Variants in WDR59 observed in about 807,000 individuals in gnomAD.
WDR59 encodes the protein WD repeat domain 59, also known as GATOR2 complex protein WDR59.
In WDR59, 100 loss-of-function variants were observed where a neutral mutation model predicts 131.2. The ratio of observed to expected loss-of-function variants is 0.76; its 90% CI spans 0.65 to 0.90. The LOEUF is 0.90. WDR59 is among the 40% of genes least tolerant of loss of function. The pLI is 0.00. For missense variants in WDR59, 1,203 were observed against 1,262.2 expected, an observed-to-expected ratio of 0.95 and a Z score of 0.71; for synonymous variants, 601 against 466.2, an observed-to-expected ratio of 1.29 and a Z score of -3.72.
chr16:74,946,520 G>C (rs927497218), intron 6 of WDR59, among the ~76,000 whole-genome samples: 1 of 152,034 alleles, frequency 6.6e-6, no homozygotes, highest in Non-Finnish European at 1.5e-5. Context: ...TCAGGAGCTC[G>C]AGACCAGCCT....
At chr16:74,883,197 G>A (rs1045082617) in intron 25 of WDR59, among the ~76,000 whole-genome samples, 7 of 151,676 alleles carry the variant, frequency 4.6e-5, no homozygotes, top group Non-Finnish European at 7.4e-5. Context: ...GCTAATTTTT[G>A]TATTTTTAGT....
At chr16:74,908,084 A>G (rs11149782) in intron 17 of WDR59, among the ~76,000 whole-genome samples, 53,946 of 151,730 alleles carry the variant, frequency 0.36, 9,557 homozygotes, top group African/African-American at 0.39. Context: ...GATTCTCTCT[A>G]AAACAGGGAA....
chr16:74,923,146 A>G (rs2030418890), intron 9 of WDR59, among the ~76,000 whole-genome samples: 1 of 152,228 alleles, frequency 6.6e-6, no homozygotes, highest in African/African-American at 2.4e-5. Context: ...GGATTTTATC[A>G]CAATTTTAAA....
intron 25 of WDR59, among the ~76,000 whole-genome samples, chr16:74,879,570 AATG>A (rs1964382728): frequency 6.6e-6 from 1 of 152,164 alleles, no homozygotes; most frequent in African/African-American, 2.4e-5. Flanking sequence ...AATTCTGGCT[AATG>A]ATCTATTTTC....
intron 1 of WDR59, among the ~76,000 whole-genome samples, chr16:74,975,209 A>C (rs979595623): frequency 6.6e-6 from 1 of 152,036 alleles, no homozygotes; most frequent in Non-Finnish European, 1.5e-5. Context: ...AAAAATACAA[A>C]AATTAGCCAG....
intron 9 of WDR59, among the ~76,000 whole-genome samples, chr16:74,923,041 C>T (rs2030404688): frequency 6.6e-6 from 1 of 152,158 alleles, no homozygotes; most frequent in African/African-American, 2.4e-5. Flanking sequence ...AGCCTACCCA[C>T]TCTATTTGTA....
rs753480531 is a variant in WDR59 at position 74,924,010 on chromosome 16, G to A, written c.652-7C>T. 7.4e-6 allele frequency: 12 copies of A among 1,613,008 alleles called. No individual in the cohort carries two copies. The Admixed American group carries it at 1.8e-4, about 25-fold the overall frequency. ...GCTGGCGGTAATCCCAGAACTAGAA[G>A]AGAGCAAGCAAGATCATTTGTGAAA... On this transcript the variant is annotated splice_region_variant and splice_polypyrimidine_tract_variant and intron_variant, in intron 8 of 25. Transcript: ENST00000262144.
chr16:74,979,464 TCAAAACAAAA>T (rs71158561), intron 1 of WDR59, among the ~76,000 whole-genome samples: 78 of 147,384 alleles, frequency 5.3e-4, no homozygotes, highest in African/African-American at 1.8e-3. Flanking sequence ...AGACTCTGTC[TCAAAACAAAA>T]CAAAACAAAA....
intron 13 of WDR59, among the ~76,000 whole-genome samples, chr16:74,914,928 G>T (rs984937433): frequency 6.6e-6 from 1 of 152,170 alleles, no homozygotes; most frequent in African/African-American, 2.4e-5. Context: ...AGATAGTTAT[G>T]TAACAGCACA....
At chr16:74,887,316 G>C (rs529051322) in intron 23 of WDR59, among the ~76,000 whole-genome samples, 35 of 152,128 alleles carry the variant, frequency 2.3e-4, no homozygotes, top group African/African-American at 8.0e-4. Flanking sequence ...CTGGAGTCAG[G>C]CCCAGCTGTA....
intron 6 of WDR59, 129 bp from the exon 7 acceptor site, chr16:74,942,955 T>C (rs986729109): frequency 2.1e-5 from 15 of 729,282 alleles, no homozygotes; most frequent in Admixed American, 5.9e-5. Context: ...TTTCTGTGAC[T>C]GCACCAACTC....
intron 22 of WDR59, 142 bp downstream of exon 22, chr16:74,888,027 A>C: frequency 9.0e-7 from 1 of 1,116,196 alleles, no homozygotes; most frequent in Non-Finnish European, 1.2e-6. Flanking sequence ...CTGAGGCACG[A>C]GAATTGCTTG....
intron 1 of WDR59, among the ~76,000 whole-genome samples, chr16:74,973,412 G>C (rs928787689): frequency 5.3e-5 from 8 of 152,132 alleles, no homozygotes; most frequent in Admixed American, 4.6e-4. Flanking sequence ...TCAGCCTCCT[G>C]AGTAAATGGT....
intron 3 of WDR59, among the ~76,000 whole-genome samples, chr16:74,955,494 G>T (rs1189757977): frequency 2.0e-5 from 3 of 152,142 alleles, no homozygotes; most frequent in Admixed American, 6.6e-5. Flanking sequence ...CTAGCACTCA[G>T]GAAAGAGGCC....
At chr16:74,942,699 G>T (rs2032325538) in intron 7 of WDR59, 39 bp downstream of exon 7, 2 of 1,597,884 alleles carry the variant, frequency 1.3e-6, no homozygotes, top group South Asian at 1.1e-5. Flanking sequence ...CTCTGGGAGG[G>T]ATCAAAGACC....
chr16:74,939,480 C>T (rs2032056671), intron 7 of WDR59, among the ~76,000 whole-genome samples: 2 of 151,510 alleles, frequency 1.3e-5, no homozygotes, highest in Admixed American at 1.3e-4. Flanking sequence ...GATAATGCAT[C>T]TGTTCTAATG....
At chr16:74,876,452 G>C (rs1964217532) in intron 25 of WDR59, among the ~76,000 whole-genome samples, 1 of 151,934 alleles carries the variant, frequency 6.6e-6, no homozygotes, top group African/African-American at 2.4e-5. Flanking sequence ...TGTTTAAAAG[G>C]GTTTGTTCCT....
chr16:74,939,114 G>A (rs2032029196), intron 7 of WDR59, among the ~76,000 whole-genome samples: 1 of 151,828 alleles, frequency 6.6e-6, no homozygotes, highest in Admixed American at 6.6e-5. Context: ...GATCACCTGA[G>A]GTCAGGAGTT....
chr16:74,940,948 C>G (rs1392156732), intron 7 of WDR59, among the ~76,000 whole-genome samples: 2 of 152,132 alleles, frequency 1.3e-5, no homozygotes, highest in East Asian at 3.9e-4. Context: ...TCGTGATCCA[C>G]CCGCCTCAGC....
Sources: allele counts gnomAD v4.1 joint callset (sites outside exome capture counted in the v4.1 genomes callset), GRCh38; gene constraint gnomAD v4.1.1; transcripts MANE v1.5; gene names NCBI Gene and HGNC (gene_info 2026-07-23, HGNC 2026-07-21).